ABCA13: variants seen among roughly 807,000 people sequenced by gnomAD.
ABCA13 encodes ATP-binding cassette sub-family A member 13.
In ABCA13, 476 loss-of-function variants were observed where a neutral mutation model predicts 478.7. That is an observed-to-expected ratio of 0.99 (90% CI 0.92 to 1.07). The LOEUF is 1.07. ABCA13 is among the 50% of genes least tolerant of loss of function. ABCA13 has a pLI of 0.00. For missense variants in ABCA13, 6,060 were observed against 5,910.6 expected, an observed-to-expected ratio of 1.03 and a Z score of -0.83; for synonymous variants, 2,252 against 2,158.9, an observed-to-expected ratio of 1.04 and a Z score of -1.20.
chr7:48,624,176 T>C (rs1793442305), intron 59 of ABCA13, among the ~76,000 whole-genome samples: 1 of 151,798 alleles, frequency 6.6e-6, no homozygotes, highest in African/African-American at 2.4e-5. Flanking sequence ...AACTATCCTT[T>C]TGGGCACTGA....
chr7:48,315,676 C>T (rs1802485340), intron 26 of ABCA13, among the ~76,000 whole-genome samples: 1 of 152,060 alleles, frequency 6.6e-6, no homozygotes, highest in African/African-American at 2.4e-5. Flanking sequence ...GACGGGGTTT[C>T]ACCGTGTTAT....
rs1796668359 is a variant in ABCA13 at position 48,279,021 on chromosome 7, A to G, written c.7827A>G (p.Ser2609=). Residue 2609 remains serine (S), a synonymous_variant, in exon 18 of 62, where the codon TCA becomes TCG. Transcript: ENST00000435803. ...TGATTGGGGTAGAACCTTATATATC[A>G]TCAAACTCTGATATTTTCAGTATGT... ...FEMIGVEPYI[S]SNSDIFSMSP... 3.1e-6 allele frequency: 5 copies of G among 1,613,344 alleles called. No individual in the cohort carries two copies. The highest frequency in any genetic ancestry group is 3.4e-6 in the Non-Finnish European group (4 of 1,179,806).
Position 48,271,802 on chromosome 7 carries a change from A to G in ABCA13, c.2136A>G (p.Thr712=). The stretch of plus-strand genomic sequence containing the variant: ...AATATTACAGGGCTTTAAATTTCAC[A>G]AAGCACCTTCTAATGATGGAAAAGA... The part of the protein sequence containing the change: ...TASISRALNF[T]KHLLMMEKKL... Residue 712 remains threonine (T), a synonymous_variant, in exon 17 of 62, where the codon ACA becomes ACG. Transcript: ENST00000435803. 1 of 1,505,210 alleles carries G rather than the reference A, an allele frequency of 6.6e-7. No homozygotes were observed. The highest frequency in any genetic ancestry group is 1.4e-5 in the South Asian group (1 of 72,234). 93.2% of individuals were successfully genotyped at this position (1,505,210 alleles called of 1,614,324 possible).
intron 59 of ABCA13, among the ~76,000 whole-genome samples, chr7:48,642,417 G>A (rs1795159923): frequency 6.6e-6 from 1 of 152,216 alleles, no homozygotes; most frequent in South Asian, 2.1e-4. Context: ...GACTGGGCAT[G>A]CCATTTCATT....
chr7:48,454,037 A>G (rs1401358771), intron 42 of ABCA13, among the ~76,000 whole-genome samples: 2 of 152,184 alleles, frequency 1.3e-5, no homozygotes, highest in Non-Finnish European at 2.9e-5. Flanking sequence ...GCTGCTCTCT[A>G]TTAACTGTAT....
intron 23 of ABCA13, among the ~76,000 whole-genome samples, chr7:48,299,660 G>T (rs569176521): frequency 1.3e-5 from 2 of 150,026 alleles, no homozygotes; most frequent in East Asian, 4.0e-4. Context: ...TTAAGACCAG[G>T]GTCAGATTAG....
At chr7:48,381,390 C>T (rs1031368868) in intron 35 of ABCA13, among the ~76,000 whole-genome samples, 29 of 151,360 alleles carry the variant, frequency 1.9e-4, no homozygotes, top group African/African-American at 6.6e-4. Flanking sequence ...CACACACACA[C>T]GCACGCACAC....
intron 46 of ABCA13, 106 bp downstream of exon 46, chr7:48,481,260 T>C: frequency 1.1e-6 from 1 of 880,796 alleles, no homozygotes; most frequent in Non-Finnish European, 1.8e-6. Flanking sequence ...AAGACTGACC[T>C]TGGTGCTCAT....
intron 39 of ABCA13, among the ~76,000 whole-genome samples, chr7:48,406,734 A>G (rs929041689): frequency 2.6e-5 from 4 of 152,002 alleles, no homozygotes; most frequent in African/African-American, 9.7e-5. Context: ...TTAGCTGGGC[A>G]TGGTGGCGCA....
chr7:48,275,235 A>G lies in ABCA13; in HGVS notation c.5569A>G (p.Ser1857Gly). 6.2e-6 allele frequency: 10 copies of G among 1,613,932 alleles called. No individual in the cohort carries two copies. Among genetic ancestry groups the G allele is most frequent in the Non-Finnish European group, 7.6e-6 (9 of 1,179,860 alleles). ...MSSSFYGKVA[S>G]ILDHFHLSPQ... Reference sequence around the variant, plus strand: ...TTCTTCCTTTTATGGCAAAGTGGCCAGTATACTTGATCATTTCCACCTGTC... The same window carrying G: ...TTCTTCCTTTTATGGCAAAGTGGCCGGTATACTTGATCATTTCCACCTGTC... The change falls in exon 17 of 62, where the codon AGT (serine) becomes GGT (glycine). Residue 1857 changes from serine (S) to glycine (G), a missense_variant. Physicochemically the swap from Ser to Gly is moderately conservative, Grantham distance 56. Around this residue, in one of 3 missense-constraint regions of ABCA13, gnomAD observed 4,423 missense variants for 4,309.1 expected, o/e 1.03. Transcript: ENST00000435803.
intron 44 of ABCA13, among the ~76,000 whole-genome samples, chr7:48,469,118 G>A (rs1585460867): frequency 1.3e-5 from 2 of 152,278 alleles, no homozygotes; most frequent in South Asian, 2.1e-4. Context: ...CAGAACAAAA[G>A]TCATAGCAAA....
chr7:48,419,887 A>C (rs1016755203), intron 41 of ABCA13, among the ~76,000 whole-genome samples: 1 of 152,232 alleles, frequency 6.6e-6, no homozygotes, highest in Non-Finnish European at 1.5e-5. Flanking sequence ...TGTATATGAG[A>C]TCTAACAAAA....
chr7:48,228,707 T>C (rs11768665), intron 6 of ABCA13, among the ~76,000 whole-genome samples: 7,139 of 152,298 alleles, frequency 0.047, 290 homozygotes, highest in Admixed American at 0.1. Flanking sequence ...CAAGTTGTTA[T>C]GAAGATCTAT....
chr7:48,275,439 T>C lies in ABCA13; in HGVS notation c.5773T>C (p.Leu1925=), dbSNP rs1796171825. 1 of 1,613,830 alleles carries C rather than the reference T, an allele frequency of 6.2e-7. No homozygotes were observed. The highest frequency in any genetic ancestry group is 1.3e-5 in the African/African-American group (1 of 74,948). Residue 1925 remains leucine (L), a synonymous_variant, in exon 17 of 62, where the codon TTA becomes CTA. Coordinates refer to ENST00000435803, the MANE Select transcript of ABCA13 (RefSeq NM_152701.5). ...KTVQKFWHKI[L]PFVPPSINQT... ...TGTGCAGAAATTTTGGCATAAGATATTACCGTTTGTCCCACCTTCAATAAA... is the reference window on the plus strand; with the variant it reads ...TGTGCAGAAATTTTGGCATAAGATACTACCGTTTGTCCCACCTTCAATAAA...
intron 42 of ABCA13, among the ~76,000 whole-genome samples, chr7:48,449,097 C>A (rs914940331): frequency 6.6e-6 from 1 of 152,212 alleles, no homozygotes; most frequent in Non-Finnish European, 1.5e-5. Flanking sequence ...CCCACCTTGG[C>A]CTCCCAAAGT....
chr7:48,248,868 A>T (rs1261047209), intron 14 of ABCA13, among the ~76,000 whole-genome samples: 4 of 152,182 alleles, frequency 2.6e-5, no homozygotes, highest in Non-Finnish European at 5.9e-5. Context: ...GACTGCTAGG[A>T]TGTTCTTCGT....
intron 27 of ABCA13, among the ~76,000 whole-genome samples, chr7:48,335,006 A>G (rs772841953): frequency 6.6e-6 from 1 of 152,242 alleles, no homozygotes; most frequent in Non-Finnish European, 1.5e-5. Flanking sequence ...CTCTGCCAGT[A>G]GCAATAAATG....
rs1308016164 is a variant in ABCA13 at position 48,229,918 on chromosome 7, A to G, written c.726A>G (p.Thr242=). Residue 242 remains threonine, a synonymous_variant, in exon 7 of 62, where the codon ACA becomes ACG. Coordinates refer to ENST00000435803, the MANE Select transcript of ABCA13 (RefSeq NM_152701.5). The part of the protein sequence containing the change: ...SELVLNVTIS[T]LTFLQQHGVA... ...TTGTACTGAATGTGACCATTTCGAC[A>G]CTGACATTTCTGCAGCAACATGGAG... 5.0e-6 allele frequency: 8 copies of G among 1,613,954 alleles called. No individual in the cohort carries two copies. In the South Asian group the frequency reaches 7.7e-5, roughly 16 times the overall value.
At chr7:48,638,640 A>G (rs967484658) in intron 59 of ABCA13, among the ~76,000 whole-genome samples, 1 of 152,156 alleles carries the variant, frequency 6.6e-6, no homozygotes, top group Non-Finnish European at 1.5e-5. Context: ...AACTTAACTG[A>G]AGTTGAAATA....
Sources: gnomAD v4.1 joint callset for allele counts (sites outside exome capture counted in the v4.1 genomes callset) on GRCh38, gnomAD v4.1.1 for gene constraint, gnomAD v4.1.1 regional missense constraint, MANE v1.5 for transcripts, NCBI Gene and HGNC (gene_info 2026-07-23, HGNC 2026-07-21) for gene names.